Variants in IL1RAPL2 observed in about 807,000 individuals in gnomAD.
The protein encoded by IL1RAPL2 is X-linked interleukin-1 receptor accessory protein-like 2.
IL1RAPL2 carries 3 observed loss-of-function variants against 44.1 expected under a neutral mutation model. That is an observed-to-expected ratio of 0.07 (90% CI 0.03 to 0.18). The LOEUF (loss-of-function observed/expected upper bound fraction) is 0.18. Among genes scored for constraint, IL1RAPL2 ranks in the 10% least tolerant of loss-of-function variants. The probability of loss-of-function intolerance (pLI) is 1.00; values close to 1 mark genes in which losing one functional copy is unlikely to be tolerated. For missense variants in IL1RAPL2, 391 were observed against 496.4 expected (o/e 0.79, Z 2.02); for synonymous variants, 181 against 178.8 (o/e 1.01, Z -0.10).
At chrX:105,105,924 G>A (rs1393790644) in intron 2 of IL1RAPL2, among the ~76,000 whole-genome samples, 5 of 111,386 alleles carry the variant, frequency 4.5e-5, no homozygotes, top group East Asian at 2.8e-4. Flanking sequence ...TTTGTAGTCC[G>A]CCAAATAAGT....
At chrX:105,202,322 T>C (rs1163980444) in intron 3 of IL1RAPL2, among the ~76,000 whole-genome samples, 2 of 112,528 alleles carry the variant, frequency 1.8e-5, no homozygotes, top group African/African-American at 6.4e-5. Flanking sequence ...TATTTATATA[T>C]ACTTTTTAGT....
intron 6 of IL1RAPL2, among the ~76,000 whole-genome samples, chrX:105,596,388 A>G (rs1228329495): frequency 1.8e-5 from 2 of 108,582 alleles, no homozygotes; most frequent in East Asian, 2.9e-4. Context: ...GATATTTTTT[A>G]ATTTCCCTTT....
At chrX:105,358,674 C>CAA (rs66659226) in intron 5 of IL1RAPL2, among the ~76,000 whole-genome samples, 9,345 of 29,434 alleles carry the variant, frequency 0.32, 1,685 homozygotes, top group African/African-American at 0.55. Context: ...GACCCTGTCT[C>CAA]AAAAAAAAAA....
intron 2 of IL1RAPL2, among the ~76,000 whole-genome samples, chrX:105,143,463 G>A (rs2033146012): frequency 1.8e-5 from 2 of 111,940 alleles, no homozygotes; most frequent in Middle Eastern, 4.6e-3. Flanking sequence ...TGGAGAGGAT[G>A]TGGAGAAATA....
At chrX:104,946,498 C>T (rs1925371485) in intron 2 of IL1RAPL2, among the ~76,000 whole-genome samples, 1 of 95,162 alleles carries the variant, frequency 1.1e-5, no homozygotes, top group Non-Finnish European at 2.0e-5. Context: ...ATATGCCATG[C>T]TGGTGTGCTG....
intron 6 of IL1RAPL2, among the ~76,000 whole-genome samples, chrX:105,638,918 C>T (rs1039077113): frequency 1.8e-5 from 2 of 111,514 alleles, no homozygotes; most frequent in African/African-American, 6.5e-5. Flanking sequence ...CCAGGAGTTA[C>T]GCCCAGTGGA....
chrX:105,158,558 C>G (rs1178451764), intron 2 of IL1RAPL2, among the ~76,000 whole-genome samples: 3 of 111,817 alleles, frequency 2.7e-5, no homozygotes, highest in African/African-American at 9.8e-5. Context: ...TTCTCCAATA[C>G]CCCACATCCA....
At chrX:105,244,467 T>A (rs2034202357) in intron 4 of IL1RAPL2, among the ~76,000 whole-genome samples, 2 of 111,801 alleles carry the variant, frequency 1.8e-5, no homozygotes, top group Non-Finnish European at 3.8e-5. Flanking sequence ...CCAGATCCAA[T>A]CTGATCCTGG....
chrX:105,351,281 G>A (rs2035152225), intron 5 of IL1RAPL2, among the ~76,000 whole-genome samples: 1 of 111,184 alleles, frequency 9.0e-6, no homozygotes. Context: ...TCATTACTGG[G>A]TATATATCCA....
chrX:105,503,230 A>C (rs1174634935), intron 6 of IL1RAPL2, among the ~76,000 whole-genome samples: 2 of 111,431 alleles, frequency 1.8e-5, no homozygotes, highest in Admixed American at 1.9e-4. Context: ...TTACTACTCA[A>C]GCCCATAAGT....
At chrX:105,676,055 CTTT>C (rs1355556853) in intron 6 of IL1RAPL2, 2 of 111,457 alleles carry the variant, frequency 1.8e-5, no homozygotes, top group Non-Finnish European at 3.8e-5. Flanking sequence ...CTGTTTTCTT[CTTT>C]ATTAGTCTAG....
chrX:104,621,790 A>G (rs937853402), intron 1 of IL1RAPL2, among the ~76,000 whole-genome samples: 2 of 112,096 alleles, frequency 1.8e-5, no homozygotes, highest in East Asian at 5.6e-4. Flanking sequence ...AGGTAGAGCT[A>G]TATAACCCAG....
chrX:105,423,166 A>G (rs1347401525), intron 5 of IL1RAPL2, among the ~76,000 whole-genome samples: 1 of 111,929 alleles, frequency 8.9e-6, no homozygotes, highest in African/African-American at 3.2e-5. Flanking sequence ...AGAAAACTAA[A>G]AGCCATTTCA....
At chrX:105,274,693 C>G (rs1422393003) in intron 5 of IL1RAPL2, among the ~76,000 whole-genome samples, 2 of 111,031 alleles carry the variant, frequency 1.8e-5, no homozygotes. Context: ...TTTGTGGAAC[C>G]CTGATTCTAA....
intron 5 of IL1RAPL2, among the ~76,000 whole-genome samples, chrX:105,463,551 C>G (rs1027002959): frequency 1.1e-4 from 7 of 66,247 alleles, no homozygotes; most frequent in Non-Finnish European, 2.0e-4. Context: ...CTGTCTGTCT[C>G]TCTGTCTCTC....
At chrX:104,803,481 A>G (rs771140350) in intron 2 of IL1RAPL2, among the ~76,000 whole-genome samples, 1 of 112,249 alleles carries the variant, frequency 8.9e-6, no homozygotes, top group Non-Finnish European at 1.9e-5. Flanking sequence ...AATGACAGCT[A>G]AGATTTGTCT....
intron 2 of IL1RAPL2, among the ~76,000 whole-genome samples, chrX:105,194,552 T>C (rs1311757322): frequency 8.9e-6 from 1 of 112,139 alleles, no homozygotes; most frequent in Non-Finnish European, 1.9e-5. Flanking sequence ...CATGTCTTTC[T>C]TTAATGGTAG....
intron 6 of IL1RAPL2, among the ~76,000 whole-genome samples, chrX:105,522,034 A>G (rs915587209): frequency 8.0e-5 from 9 of 112,196 alleles, no homozygotes; most frequent in Non-Finnish European, 1.7e-4. Flanking sequence ...TGTTACATAC[A>G]GCCTTCCCTA....
intron 1 of IL1RAPL2, among the ~76,000 whole-genome samples, chrX:104,589,170 A>G (rs1038308240): frequency 2.7e-5 from 3 of 111,779 alleles, no homozygotes; most frequent in Admixed American, 9.5e-5. Flanking sequence ...GCAAAAATGG[A>G]TTAATAGGCT....
Sources: gnomAD v4.1 joint callset for allele counts (sites outside exome capture counted in the v4.1 genomes callset) on GRCh38, gnomAD v4.1.1 for gene constraint, MANE v1.5 for transcripts, NCBI Gene and HGNC (gene_info 2026-07-23, HGNC 2026-07-21) for gene names.